RALYL: variants seen among roughly 807,000 people sequenced by gnomAD.
The protein encoded by RALYL is RNA-binding Raly-like protein.
In RALYL, 29 loss-of-function variants were observed where a neutral mutation model predicts 35.1. The observed-to-expected ratio is 0.83, with a 90% CI of 0.61 to 1.13. RALYL has a LOEUF of 1.13. Ranked by LOEUF, RALYL falls within the 50% of genes most tolerant of loss-of-function variation. RALYL has a pLI of 0.00. For synonymous variants in RALYL, 120 were observed against 127.6 expected (o/e 0.94, Z 0.40); for missense variants, 359 against 360.4 (o/e 1.00, Z 0.03).
intron 2 of RALYL, among the ~76,000 whole-genome samples, chr8:84,531,383 A>C (rs781054949): frequency 6.6e-6 from 1 of 152,148 alleles, no homozygotes; most frequent in Non-Finnish European, 1.5e-5. Context: ...AACTGCAAAC[A>C]AATCACTATC....
chr8:84,433,618 G>A (rs1054465154), intron 1 of RALYL, among the ~76,000 whole-genome samples: 2 of 151,858 alleles, frequency 1.3e-5, no homozygotes, highest in African/African-American at 4.8e-5. Flanking sequence ...TTATCAGGGG[G>A]TTCTGCTTTT....
At chr8:84,253,389 A>T (rs1324068817) in intron 1 of RALYL, among the ~76,000 whole-genome samples, 2 of 142,858 alleles carry the variant, frequency 1.4e-5, no homozygotes, top group African/African-American at 5.2e-5. Context: ...TTTAGTAGAG[A>T]TGGGTTTTCA....
intron 2 of RALYL, among the ~76,000 whole-genome samples, chr8:84,632,712 T>C (rs1227355424): frequency 2.0e-5 from 3 of 151,910 alleles, no homozygotes; most frequent in African/African-American, 7.2e-5. Flanking sequence ...TAAATTCTAC[T>C]ATTTTGTAAA....
chr8:84,815,583 TG>T (rs1827042916), intron 4 of RALYL, among the ~76,000 whole-genome samples: 1 of 151,640 alleles, frequency 6.6e-6, no homozygotes, highest in Admixed American at 6.6e-5. Flanking sequence ...GGCTTAAGTT[TG>T]GGGGCTCATA....
At chr8:84,693,107 A>G (rs937580824) in intron 2 of RALYL, among the ~76,000 whole-genome samples, 2 of 152,016 alleles carry the variant, frequency 1.3e-5, no homozygotes, top group African/African-American at 4.8e-5. Context: ...TTAAAGCAAC[A>G]ATAGAAAACT....
chr8:84,365,188 A>T (rs1485149974), intron 1 of RALYL, among the ~76,000 whole-genome samples: 1 of 152,152 alleles, frequency 6.6e-6, no homozygotes, highest in Non-Finnish European at 1.5e-5. Flanking sequence ...TATGTAAAAT[A>T]AATAGGTGTT....
chr8:84,504,232 A>G (rs1289494417), intron 1 of RALYL, among the ~76,000 whole-genome samples: 3 of 152,184 alleles, frequency 2.0e-5, no homozygotes, highest in African/African-American at 7.2e-5. Flanking sequence ...GAGGTTAAAT[A>G]TGTTTAATAG....
In RALYL at chr8:84,806,701, AT is replaced by A. The variant is rs58290313; in HGVS notation, c.365+1903del. Among the ~76,000 whole-genome samples the A allele has an allele frequency of 9.2e-5, 14 of 152,276 alleles. No homozygotes were observed. In the East Asian group the frequency reaches 2.1e-3, roughly 23 times the overall value. On this transcript the variant is annotated intron_variant, in intron 4 of 8. Coordinates refer to ENST00000521268, the MANE Select transcript of RALYL (RefSeq NM_173848.7). ...ACCCAAATGATTCTGCTGAATGGATATTTTAATTTATAGCTAAATGTTTCTG... is the reference window on the plus strand; with the variant it reads ...ACCCAAATGATTCTGCTGAATGGATATTTAATTTATAGCTAAATGTTTCTG...
At chr8:84,630,602 T>A (rs922547694) in intron 2 of RALYL, among the ~76,000 whole-genome samples, 2 of 151,970 alleles carry the variant, frequency 1.3e-5, no homozygotes, top group African/African-American at 2.4e-5. Flanking sequence ...AAGGCCCAAA[T>A]GTTTTTTGGC....
At chr8:84,771,704 T>G (rs1815572988) in intron 2 of RALYL, among the ~76,000 whole-genome samples, 1 of 152,064 alleles carries the variant, frequency 6.6e-6, no homozygotes, top group South Asian at 2.1e-4. Context: ...GTGCTTTTAC[T>G]AGGCTTTTTA....
intron 1 of RALYL, among the ~76,000 whole-genome samples, chr8:84,221,684 G>A (rs1341586041): frequency 1.3e-5 from 2 of 152,130 alleles, no homozygotes; most frequent in South Asian, 2.1e-4. Context: ...AGGAGTCCAC[G>A]TGATATAAAT....
intron 1 of RALYL, among the ~76,000 whole-genome samples, chr8:84,401,639 A>G (rs1195659931): frequency 5.1e-5 from 6 of 117,568 alleles, no homozygotes; most frequent in African/African-American, 2.1e-4. Context: ...CTCTGTCTCA[A>G]AAAAAAAAAA....
In RALYL at chr8:84,661,362, T is replaced by A. The variant is rs111602077; in HGVS notation, c.257-113217T>A. On this transcript the variant is annotated intron_variant, in intron 2 of 8. Transcript: ENST00000521268. ...AAATCAATTTCATTCTGCTATTTCA[T>A]TCTCTTCCAATTTTGCTGTATAAAT... is the stretch of plus-strand genomic sequence containing the variant. Among the ~76,000 whole-genome samples the A allele has an allele frequency of 2.1e-3, 325 of 152,282 alleles. 1 individual carries two copies. The highest frequency in any genetic ancestry group is 7.3e-3 in the African/African-American group (304 of 41,574).
At chr8:84,859,471 A>C (rs1266271683) in intron 5 of RALYL, among the ~76,000 whole-genome samples, 2 of 152,070 alleles carry the variant, frequency 1.3e-5, no homozygotes, top group Non-Finnish European at 2.9e-5. Flanking sequence ...ATGACCTATC[A>C]CATTAAAATA....
intron 2 of RALYL, among the ~76,000 whole-genome samples, chr8:84,763,573 C>T (rs1813187916): frequency 6.6e-6 from 1 of 152,134 alleles, no homozygotes; most frequent in East Asian, 1.9e-4. Context: ...TAAACATATT[C>T]AGGAGGCTAC....
At chr8:84,769,563 C>T (rs1814925286) in intron 2 of RALYL, among the ~76,000 whole-genome samples, 1 of 152,030 alleles carries the variant, frequency 6.6e-6, no homozygotes, top group Admixed American at 6.6e-5. Flanking sequence ...GAGTTGGAGA[C>T]CAGTCTGGCT....
chr8:84,840,306 G>A (rs1014048611), intron 4 of RALYL, among the ~76,000 whole-genome samples: 1 of 152,156 alleles, frequency 6.6e-6, no homozygotes, highest in African/African-American at 2.4e-5. Flanking sequence ...CAAGGCACCA[G>A]AACTACGTGA....
chr8:84,704,479 ACAC>A (rs778898796), intron 2 of RALYL, among the ~76,000 whole-genome samples: 1 of 102,770 alleles, frequency 9.7e-6, no homozygotes, highest in Non-Finnish European at 2.1e-5. Context: ...ACACACACAC[ACAC>A]AACAACTCAT....
intron 1 of RALYL, among the ~76,000 whole-genome samples, chr8:84,197,093 AT>A (rs1398215679): frequency 6.6e-6 from 1 of 152,188 alleles, no homozygotes; most frequent in Non-Finnish European, 1.5e-5. Flanking sequence ...ATCACTCATT[AT>A]TTTAAAAACA....
Sources: allele counts gnomAD v4.1 joint callset (sites outside exome capture counted in the v4.1 genomes callset), GRCh38; gene constraint gnomAD v4.1.1; transcripts MANE v1.5; gene names NCBI Gene and HGNC (gene_info 2026-07-23, HGNC 2026-07-21).